ANOS1: variants seen among roughly 807,000 people sequenced by gnomAD.
ANOS1 encodes the protein anosmin 1.
Under a neutral mutation model 59.0 loss-of-function variants are expected in ANOS1, and 6 were observed. The observed-to-expected ratio is 0.10, with a 90% CI of 0.06 to 0.20. ANOS1 has a LOEUF of 0.20. Among genes scored for constraint, ANOS1 ranks in the 10% least tolerant of loss-of-function variants. ANOS1 has a pLI of 1.00. For synonymous variants in ANOS1, 217 were observed against 223.4 expected (o/e 0.97, Z 0.25); for missense variants, 433 against 542.3 (o/e 0.80, Z 2.00).
At chrX:8,554,542 GTTTTTTTTTTTTTTT>G (rs757605733) in intron 8 of ANOS1, among the ~76,000 whole-genome samples, 1 of 50,826 alleles carries the variant, frequency 2.0e-5, no homozygotes, top group African/African-American at 8.3e-5. Context: ...GGCTACAGGA[GTTTTTTTTTTTTTTT>G]TTTTTTTTTT....
At position 8,534,468 on chromosome X, in the gene ANOS1, G is replaced by A. The variant is rs1379237199; in HGVS notation, c.1843-8C>T. 8.3e-7 allele frequency: 1 copy of A among 1,208,386 alleles called. No individual in the cohort carries two copies. The highest frequency in any genetic ancestry group is 1.1e-6 in the Non-Finnish European group (1 of 892,879). ...TGTTAGGACATAATGATCCTAAGGG[G>A]ACAACATAAAAGAGCATGCTCACCG... On this transcript the variant is annotated splice_region_variant and splice_polypyrimidine_tract_variant and intron_variant, in intron 12 of 13. Coordinates refer to ENST00000262648, the MANE Select transcript of ANOS1 (RefSeq NM_000216.4).
intron 7 of ANOS1, among the ~76,000 whole-genome samples, chrX:8,569,596 T>C (rs148781126): frequency 0.023 from 2,562 of 111,673 alleles, 93 homozygotes; most frequent in African/African-American, 0.078. Context: ...GAGCCGAGAT[T>C]GCTCCACTGC....
chrX:8,562,941 C>T (rs1930055445), intron 8 of ANOS1, among the ~76,000 whole-genome samples: 1 of 112,304 alleles, frequency 8.9e-6, no homozygotes, highest in African/African-American at 3.2e-5. Flanking sequence ...AATGTAATTT[C>T]CCTTGCTTAT....
intron 1 of ANOS1, among the ~76,000 whole-genome samples, chrX:8,717,153 C>T (rs1465273210): frequency 9.0e-6 from 1 of 111,552 alleles, no homozygotes; most frequent in African/African-American, 3.3e-5. Flanking sequence ...TACACACAGA[C>T]GAATATATGG....
intron 2 of ANOS1, among the ~76,000 whole-genome samples, chrX:8,670,624 C>T (rs910502936): frequency 5.4e-5 from 6 of 111,658 alleles, no homozygotes; most frequent in Non-Finnish European, 1.1e-4. Context: ...AAGAATTTTC[C>T]TAGATGGCCA....
chrX:8,731,781 C>T, intron 1 of ANOS1, 49 bp downstream of exon 1: 1 of 1,155,694 alleles, frequency 8.7e-7, no homozygotes, highest in Admixed American at 2.6e-5. Context: ...GGTGCGCCCA[C>T]GCCGCGGCCG....
At chrX:8,603,811 G>T (rs761235005) in intron 3 of ANOS1, among the ~76,000 whole-genome samples, 1 of 111,787 alleles carries the variant, frequency 8.9e-6, no homozygotes, top group South Asian at 3.8e-4. Flanking sequence ...GGGAATGGGG[G>T]GCTTCGCTTC....
At chrX:8,713,015 T>C (rs760411647) in intron 1 of ANOS1, among the ~76,000 whole-genome samples, 20 of 111,034 alleles carry the variant, frequency 1.8e-4, no homozygotes, top group Non-Finnish European at 3.4e-4. Context: ...CCTGAACACA[T>C]ATGTTCAGAG....
chrX:8,675,991 G>A (rs369271373), intron 2 of ANOS1, among the ~76,000 whole-genome samples: 7 of 109,220 alleles, frequency 6.4e-5, no homozygotes, highest in Non-Finnish European at 9.5e-5. Context: ...AGTTTACTGA[G>A]GATAATGGCT....
chrX:8,661,575 C>T (rs1272205461), intron 2 of ANOS1, among the ~76,000 whole-genome samples: 1 of 112,269 alleles, frequency 8.9e-6, no homozygotes, highest in Non-Finnish European at 1.9e-5. Context: ...AGACAGAATA[C>T]AGCCCGTAAC....
At chrX:8,709,185 G>A (rs988751278) in intron 1 of ANOS1, among the ~76,000 whole-genome samples, 1 of 109,218 alleles carries the variant, frequency 9.2e-6, no homozygotes, top group Admixed American at 9.9e-5. Context: ...GTTGATGGGT[G>A]CAGCAAACTG....
At position 8,645,924 on chromosome X, in the gene ANOS1, G is replaced by A. The variant is rs575978424; in HGVS notation, c.256-22254C>T. Among the ~76,000 whole-genome samples, 13 of 111,742 alleles carry A rather than the reference G, an allele frequency of 1.2e-4. No individual in the cohort carries two copies. The South Asian group carries it at 3.4e-3, about 29-fold the overall frequency. On this transcript the variant is annotated intron_variant, in intron 2 of 13. Transcript: ENST00000262648. ...CTCCCAAAGTGCTGGGATTACAGGCGTGAGCCACCACTCCTGGCTGTGTCT... is the reference window on the plus strand; with the variant it reads ...CTCCCAAAGTGCTGGGATTACAGGCATGAGCCACCACTCCTGGCTGTGTCT...
intron 2 of ANOS1, among the ~76,000 whole-genome samples, chrX:8,673,842 A>G (rs1165364940): frequency 8.9e-6 from 1 of 111,779 alleles, no homozygotes; most frequent in Non-Finnish European, 1.9e-5. Context: ...ATAGGTACAG[A>G]TGCTTAGAGA....
chrX:8,627,619 T>G (rs976161790), intron 2 of ANOS1, among the ~76,000 whole-genome samples: 1 of 111,501 alleles, frequency 9.0e-6, no homozygotes, highest in Non-Finnish European at 1.9e-5. Context: ...TTTCTTTTAA[T>G]AATCCTCCAT....
chrX:8,642,702 T>A (rs1157687330), intron 2 of ANOS1, among the ~76,000 whole-genome samples: 1 of 112,055 alleles, frequency 8.9e-6, no homozygotes, highest in Non-Finnish European at 1.9e-5. Context: ...AACATGTCTA[T>A]TCCATTCAAT....
intron 2 of ANOS1, among the ~76,000 whole-genome samples, chrX:8,671,517 G>A (rs1932254007): frequency 9.1e-6 from 1 of 109,555 alleles, no homozygotes; most frequent in Non-Finnish European, 1.9e-5. Context: ...GTAGTACCTT[G>A]CAATCTTTTG....
chrX:8,684,237 A>G (rs142928116), intron 2 of ANOS1, among the ~76,000 whole-genome samples: 2,563 of 111,644 alleles, frequency 0.023, 67 homozygotes, highest in African/African-American at 0.08. Context: ...TGGAACTGCT[A>G]TCTTTGAAGG....
In ANOS1 at chrX:8,597,122, G is replaced by A. The variant is rs1175723071; in HGVS notation, c.453C>T (p.Cys151=). 3.2e-5 allele frequency: 39 copies of A among 1,211,363 alleles called. No individual in the cohort carries two copies. Among genetic ancestry groups the A allele is most frequent in the Non-Finnish European group, 4.1e-5 (37 of 895,503 alleles). ...SGFAAACVES[C]EVDNECSGVK... Reference sequence around the variant, plus strand: ...CCCCAGAGCACTCATTGTCAACTTCGCAGCTTTCAACACAGGCGGCCGCAA... The same window carrying A: ...CCCCAGAGCACTCATTGTCAACTTCACAGCTTTCAACACAGGCGGCCGCAA... The change falls in exon 4 of 14, where the codon TGC becomes TGT. Residue 151 remains cysteine, a synonymous_variant. Transcript: ENST00000262648.
At chrX:8,691,831 C>T (rs186146918) in intron 2 of ANOS1, among the ~76,000 whole-genome samples, 214 of 112,045 alleles carry the variant, frequency 1.9e-3, no homozygotes, top group African/African-American at 5.9e-3. Context: ...CTCTGATCAT[C>T]ACATTTTAAC....
Sources: gnomAD v4.1 joint callset for allele counts (sites outside exome capture counted in the v4.1 genomes callset) on GRCh38, gnomAD v4.1.1 for gene constraint, MANE v1.5 for transcripts, NCBI Gene and HGNC (gene_info 2026-07-23, HGNC 2026-07-21) for gene names.